The following TWIST2 variants were observed in gnomAD, a reference collection of about 807,000 sequenced individuals.
TWIST2 encodes the protein twist family bHLH transcription factor 2.
Under a neutral mutation model 11.6 loss-of-function variants are expected in TWIST2, and 1 was observed. The ratio of observed to expected loss-of-function variants is 0.09; its 90% CI spans 0.03 to 0.41. The LOEUF is 0.41. Ranked by LOEUF, TWIST2 falls within the 10% of genes least tolerant of loss-of-function variation. TWIST2 has a pLI of 0.98. For missense variants in TWIST2, 168 were observed against 226.4 expected (o/e 0.74, Z 1.66); for synonymous variants, 87 against 96.6 (o/e 0.90, Z 0.58).
At chr2:238,901,214 T>C (rs1451685279) in intron 1 of TWIST2, among the ~76,000 whole-genome samples, 4 of 152,146 alleles carry the variant, frequency 2.6e-5, no homozygotes, top group South Asian at 2.1e-4. Context: ...TGACCTCAAG[T>C]GAACCACCTG....
chr2:238,892,534 G>T (rs1413044935), intron 1 of TWIST2, among the ~76,000 whole-genome samples: 1 of 152,076 alleles, frequency 6.6e-6, no homozygotes, highest in African/African-American at 2.4e-5. Context: ...AGGCTGGAGT[G>T]CAGTGGCGTG....
chr2:238,861,118 C>T (rs1692426669), intron 1 of TWIST2, among the ~76,000 whole-genome samples: 2 of 152,276 alleles, frequency 1.3e-5, no homozygotes, highest in East Asian at 3.9e-4. Context: ...GGGGCCCTGG[C>T]CTCTTCCTTA....
chr2:238,900,952 C>T (rs1405211346), intron 1 of TWIST2, among the ~76,000 whole-genome samples: 4 of 150,816 alleles, frequency 2.7e-5, no homozygotes, highest in Admixed American at 2.0e-4. Flanking sequence ...TTTTTCTGAT[C>T]GTTTCTGCCC....
In TWIST2 at chr2:238,852,961, G is replaced by A. The variant is rs184594300; in HGVS notation, c.*35+4228G>A. Among the ~76,000 whole-genome samples, 4 of 152,200 alleles carry A rather than the reference G, an allele frequency of 2.6e-5. No homozygotes were observed. The South Asian group carries it at 8.3e-4, about 32-fold the overall frequency. On this transcript the variant is annotated intron_variant, in intron 1 of 1. Transcript: ENST00000612363. ...AATTACTACTAAGATTTATCTCAGA[G>A]TAATAAACTAAAAATGTGACTTGAG...
intron 1 of TWIST2, among the ~76,000 whole-genome samples, chr2:238,872,677 G>T (rs941019346): frequency 6.6e-6 from 1 of 152,198 alleles, no homozygotes; most frequent in Non-Finnish European, 1.5e-5. Context: ...TACCCATGGG[G>T]GGAAGTAGGG....
At chr2:238,876,872 C>G (rs1692815360) in intron 1 of TWIST2, among the ~76,000 whole-genome samples, 2 of 152,120 alleles carry the variant, frequency 1.3e-5, no homozygotes, top group Non-Finnish European at 1.5e-5. Flanking sequence ...TAAAATGCAT[C>G]TGAGAAAAAT....
chr2:238,882,716 C>T (rs543430773), intron 1 of TWIST2, among the ~76,000 whole-genome samples: 2 of 152,312 alleles, frequency 1.3e-5, no homozygotes, highest in East Asian at 3.9e-4. Flanking sequence ...GCGTTTGTAA[C>T]TTACATATTC....
At chr2:238,868,504 C>T (rs769023848) in intron 1 of TWIST2, among the ~76,000 whole-genome samples, 88 of 152,204 alleles carry the variant, frequency 5.8e-4, no homozygotes, top group Admixed American at 5.2e-3. Flanking sequence ...TATGGCCAGA[C>T]GGATCCCAGT....
chr2:238,852,648 A>C (rs1245734064), intron 1 of TWIST2, among the ~76,000 whole-genome samples: 1 of 111,668 alleles, frequency 9.0e-6, no homozygotes, highest in Non-Finnish European at 1.8e-5. Context: ...ATTGCATAGC[A>C]CTAAACACAC....
At chr2:238,888,787 C>A (rs1693083322) in intron 1 of TWIST2, among the ~76,000 whole-genome samples, 1 of 152,170 alleles carries the variant, frequency 6.6e-6, no homozygotes, top group African/African-American at 2.4e-5. Flanking sequence ...ATATTTCAAC[C>A]AAAATCAGTC....
intron 1 of TWIST2, among the ~76,000 whole-genome samples, chr2:238,870,540 ACC>A: frequency 1.1e-5 from 1 of 90,598 alleles, no homozygotes. Context: ...CACCCTACAT[ACC>A]CCACACACCC....
rs528130984 is a variant in TWIST2, at chr2:238,867,619, A to C, written c.*35+18886A>C. On this transcript the variant is annotated intron_variant, in intron 1 of 1. Coordinates refer to ENST00000612363, the MANE Select transcript of TWIST2 (RefSeq NM_001271893.4). The surrounding 1 kb of genome is among the most constrained non-coding windows in gnomAD (Gnocchi z 4.8). The stretch of plus-strand genomic sequence containing the variant: ...GCCTGGCACGGAGGAGCTGTCAGCA[A>C]GCAGGCGTCCGAAGATTGAGATCAC... Among the ~76,000 whole-genome samples the C allele has an allele frequency of 9.9e-5, 15 of 152,176 alleles. No homozygotes were observed. The highest frequency in any genetic ancestry group is 1.8e-4 in the Non-Finnish European group (12 of 68,032).
At chr2:238,895,653 C>G (rs891857823) in intron 1 of TWIST2, among the ~76,000 whole-genome samples, 2 of 152,136 alleles carry the variant, frequency 1.3e-5, no homozygotes, top group African/African-American at 4.8e-5. Flanking sequence ...GGACACTCAT[C>G]GTGGGGAAAC....
chr2:238,903,594 AGT>A (rs1361523213), intron 1 of TWIST2, among the ~76,000 whole-genome samples: 7 of 75,738 alleles, frequency 9.2e-5, no homozygotes, highest in Admixed American at 1.4e-4. Flanking sequence ...TGTTTGAGGT[AGT>A]GTGTGTGTGA....
chr2:238,874,934 G>A (rs1049284920), intron 1 of TWIST2, among the ~76,000 whole-genome samples: 2 of 152,152 alleles, frequency 1.3e-5, no homozygotes, highest in Admixed American at 6.5e-5. Context: ...TGTGGAACAT[G>A]TGTCCTCTTC....
chr2:238,879,509 T>G (rs1041922849), intron 1 of TWIST2, among the ~76,000 whole-genome samples: 5 of 152,180 alleles, frequency 3.3e-5, no homozygotes, highest in African/African-American at 1.2e-4. Context: ...CACCACTCCT[T>G]AGGGTCACTT....
chr2:238,859,384 C>T (rs532499002), intron 1 of TWIST2, among the ~76,000 whole-genome samples: 12 of 151,846 alleles, frequency 7.9e-5, no homozygotes, highest in East Asian at 5.8e-4. Context: ...GGAGGCTTCT[C>T]GGGCTTCATG....
intron 1 of TWIST2, among the ~76,000 whole-genome samples, chr2:238,890,306 G>T (rs1693110330): frequency 6.6e-6 from 1 of 152,230 alleles, no homozygotes; most frequent in Admixed American, 6.5e-5. Context: ...TGCAGGACCG[G>T]CACAGTGAGA....
chr2:238,861,928 G>A (rs1006255360), intron 1 of TWIST2, among the ~76,000 whole-genome samples: 3 of 152,168 alleles, frequency 2.0e-5, no homozygotes, highest in Admixed American at 1.3e-4. Flanking sequence ...ATAGGGTTCC[G>A]TACCATCCTT....
Sources: gnomAD v4.1 joint callset for allele counts (sites outside exome capture counted in the v4.1 genomes callset) on GRCh38, gnomAD v4.1.1 for gene constraint, Gnocchi (gnomAD v3.1) non-coding constraint, MANE v1.5 for transcripts, NCBI Gene and HGNC (gene_info 2026-07-23, HGNC 2026-07-21) for gene names.